MAML3: variants seen among roughly 807,000 people sequenced by gnomAD.
The protein encoded by MAML3 is mastermind like transcriptional coactivator 3, also known as mastermind-like protein 3.
MAML3 carries 27 observed loss-of-function variants against 101.9 expected under a neutral mutation model. The observed-to-expected ratio is 0.27, with a 90% CI of 0.20 to 0.37. MAML3 has a LOEUF of 0.37. Ranked by LOEUF, MAML3 falls within the 10% of genes least tolerant of loss-of-function variation. MAML3 has a pLI of 1.00. For synonymous variants in MAML3, 501 were observed against 555.9 expected, an observed-to-expected ratio of 0.90 and a Z score of 1.39; for missense variants, 1,316 against 1,444.9, an observed-to-expected ratio of 0.91 and a Z score of 1.45.
chr4:140,099,528 G>C (rs1014731342), intron 1 of MAML3, among the ~76,000 whole-genome samples: 1 of 152,134 alleles, frequency 6.6e-6, no homozygotes, highest in Non-Finnish European at 1.5e-5. Flanking sequence ...GTTATTTTCA[G>C]TGGGTAAGGC....
intron 1 of MAML3, among the ~76,000 whole-genome samples, chr4:140,065,414 T>C (rs776899200): frequency 6.6e-6 from 1 of 152,162 alleles, no homozygotes; most frequent in Admixed American, 6.5e-5. Flanking sequence ...TGGTGCTGTT[T>C]CTCATATAAA....
intron 2 of MAML3, among the ~76,000 whole-genome samples, chr4:139,738,281 C>T (rs540485730): frequency 7.9e-5 from 12 of 152,342 alleles, no homozygotes; most frequent in East Asian, 1.9e-4. Flanking sequence ...TGGTGGCTCA[C>T]GCCTGTAATC....
rs554143117 is a variant in MAML3, at chr4:140,067,210, T to A, written c.468+85650A>T. ...AGAACAAATTTTAGGGGTGTGTGTG[T>A]GTGTGTGTGTGTGTGAGTGAGAGAA... On this transcript the variant is annotated intron_variant, in intron 1 of 4. Coordinates refer to ENST00000509479, the MANE Select transcript of MAML3 (RefSeq NM_018717.5). Among the ~76,000 whole-genome samples, 10 of 151,812 alleles carry A rather than the reference T, an allele frequency of 6.6e-5. No homozygotes were observed. The East Asian group carries it at 1.7e-3, about 26-fold the overall frequency.
At chr4:139,768,407 T>TA (rs1560788345) in intron 2 of MAML3, among the ~76,000 whole-genome samples, 2 of 152,186 alleles carry the variant, frequency 1.3e-5, no homozygotes. Context: ...CAGGTTCTTG[T>TA]AAAAAATAAC....
intron 1 of MAML3, among the ~76,000 whole-genome samples, chr4:140,005,299 T>A (rs1177602639): frequency 6.6e-6 from 1 of 152,182 alleles, no homozygotes; most frequent in Non-Finnish European, 1.5e-5. Flanking sequence ...ATAATATGCA[T>A]AAAATATTCC....
intron 1 of MAML3, among the ~76,000 whole-genome samples, chr4:139,933,681 A>G (rs1204737956): frequency 6.6e-6 from 1 of 152,218 alleles, no homozygotes; most frequent in Non-Finnish European, 1.5e-5. Context: ...TTTGATGTTC[A>G]CAGTCAGGAC....
chr4:140,002,749 C>T (rs1003274894), intron 1 of MAML3, among the ~76,000 whole-genome samples: 2 of 152,176 alleles, frequency 1.3e-5, no homozygotes, highest in African/African-American at 4.8e-5. Context: ...AAAACCAAAA[C>T]AATATAGTGG....
chr4:139,775,618 G>C (rs571462229), intron 2 of MAML3, among the ~76,000 whole-genome samples: 1 of 152,158 alleles, frequency 6.6e-6, no homozygotes, highest in South Asian at 2.1e-4. Context: ...ATAGGGGGCA[G>C]TTTGCAGCAG....
chr4:140,022,307 C>A (rs563515302), intron 1 of MAML3, among the ~76,000 whole-genome samples: 1 of 152,126 alleles, frequency 6.6e-6, no homozygotes, highest in East Asian at 1.9e-4. Context: ...AACATAAATT[C>A]TGAGTTACCC....
chr4:140,093,256 T>TA (rs1437998244), intron 1 of MAML3, among the ~76,000 whole-genome samples: 1 of 152,158 alleles, frequency 6.6e-6, no homozygotes, highest in Non-Finnish European at 1.5e-5. Context: ...ATTTCATTTT[T>TA]AAAAAAATTT....
chr4:139,808,738 G>A (rs979501636), intron 2 of MAML3, among the ~76,000 whole-genome samples: 2 of 152,012 alleles, frequency 1.3e-5, no homozygotes, highest in Non-Finnish European at 2.9e-5. Context: ...TAATTTACAC[G>A]GCCTCAATCT....
chr4:140,012,914 C>T (rs573025839), intron 1 of MAML3, among the ~76,000 whole-genome samples: 181 of 152,292 alleles, frequency 1.2e-3, no homozygotes, highest in Non-Finnish European at 1.8e-3. Context: ...AAGAGCCATT[C>T]CCATAAAAGC....
intron 2 of MAML3, among the ~76,000 whole-genome samples, chr4:139,872,185 C>T (rs779209398): frequency 6.6e-6 from 1 of 152,106 alleles, no homozygotes; most frequent in Non-Finnish European, 1.5e-5. Flanking sequence ...TGAATATAAA[C>T]GGGAATCTGT....
In MAML3 at chr4:139,822,293, A is replaced by T. The variant is rs191833505; in HGVS notation, c.2079+67064T>A. On this transcript the variant is annotated intron_variant, in intron 2 of 4. Coordinates refer to ENST00000509479, the MANE Select transcript of MAML3 (RefSeq NM_018717.5). The stretch of plus-strand genomic sequence containing the variant: ...CACCATCATCATCATCATTGCTATC[A>T]TTGTGGCAAATATGGGAGTAGAGGC... 2.1e-3 allele frequency among the ~76,000 whole-genome samples: 297 copies of T among 141,400 alleles called. 2 individuals carry two copies. The highest frequency in any genetic ancestry group is 5.9e-4 in the Non-Finnish European group (39 of 65,586). The allele number at this position is 141,400 out of a possible 152,430, so 92.8% of individuals were successfully genotyped here. A position where few individuals can be genotyped will look rare whatever the true frequency, so the allele number is the denominator to read the frequency against.
At chr4:140,062,968 A>C (rs1193475517) in intron 1 of MAML3, among the ~76,000 whole-genome samples, 2 of 152,198 alleles carry the variant, frequency 1.3e-5, no homozygotes, top group Non-Finnish European at 2.9e-5. Context: ...AATATTTTTC[A>C]TAGAAAGTAT....
At chr4:139,721,153 T>C (rs1468984470) in intron 4 of MAML3, among the ~76,000 whole-genome samples, 6 of 152,238 alleles carry the variant, frequency 3.9e-5, no homozygotes, top group African/African-American at 1.4e-4. Flanking sequence ...ACTATTTCTC[T>C]CAGCAAATTG....
At chr4:140,039,903 G>A (rs1224796708) in intron 1 of MAML3, among the ~76,000 whole-genome samples, 4 of 152,096 alleles carry the variant, frequency 2.6e-5, no homozygotes, top group South Asian at 2.1e-4. Context: ...ATGGAAACAC[G>A]CAGGAAGTTC....
intron 2 of MAML3, among the ~76,000 whole-genome samples, chr4:139,749,887 C>CG (rs35962078): frequency 0.084 from 9,619 of 114,064 alleles, 564 homozygotes; most frequent in Admixed American, 0.2. Context: ...GAATAAGAAC[C>CG]CCCCCCCACC....
chr4:139,875,912 A>G (rs1732106259), intron 2 of MAML3, among the ~76,000 whole-genome samples: 2 of 104,252 alleles, frequency 1.9e-5, no homozygotes, highest in South Asian at 6.9e-4. Context: ...AGACTCACAA[A>G]CAGCAAAAAA....
Sources: allele counts gnomAD v4.1 joint callset (sites outside exome capture counted in the v4.1 genomes callset), GRCh38; gene constraint gnomAD v4.1.1; transcripts MANE v1.5; gene names NCBI Gene and HGNC (gene_info 2026-07-23, HGNC 2026-07-21).